Variants in CYP4X1 observed in about 807,000 individuals in gnomAD.
CYP4X1 encodes the protein cytochrome P450 family 4 subfamily X member 1.
CYP4X1 carries 44 observed loss-of-function variants against 57.9 expected under a neutral mutation model. That is an observed-to-expected ratio of 0.76 (90% CI 0.60 to 0.98). The LOEUF is 0.98. Among genes scored for constraint, CYP4X1 ranks in the 50% least tolerant of loss-of-function variants. The probability of loss-of-function intolerance (pLI) is 0.00; values close to 1 mark genes in which losing one functional copy is unlikely to be tolerated. For missense variants in CYP4X1, 532 were observed against 623.9 expected (o/e 0.85, Z 1.57); for synonymous variants, 227 against 228.6 (o/e 0.99, Z 0.06).
upstream of CYP4X1, among the ~76,000 whole-genome samples, chr1:47,019,974 G>A (rs2148500669): frequency 6.6e-6 from 1 of 152,282 alleles, no homozygotes; most frequent in Admixed American, 6.5e-5. Flanking sequence ...ACTTAACTAT[G>A]TCATTTTCCA....
At chr1:47,031,174 C>A (rs928532425) in intron 2 of CYP4X1, among the ~76,000 whole-genome samples, 2 of 152,226 alleles carry the variant, frequency 1.3e-5, no homozygotes, top group African/African-American at 4.8e-5. Flanking sequence ...AAACTCTGTT[C>A]TTGTTGGAGG....
At position 47,050,321 on chromosome 1, in the gene CYP4X1, T is replaced by C; in HGVS notation, c.*147T>C. The C allele has an allele frequency of 2.6e-6, 2 of 768,794 alleles. 1 individual carries two copies. 47.6% of individuals were successfully genotyped at this position (768,794 alleles called of 1,614,324 possible). On this transcript the variant is annotated 3_prime_UTR_variant, in exon 12 of 12. Coordinates refer to ENST00000371901, the MANE Select transcript of CYP4X1 (RefSeq NM_178033.2). ...TCTCTGTGAAGAGATCCAAAATCAT[T>C]TCTAGGTACACAGTGTGTCAGCTAG...
the CYP4X1 span, among the ~76,000 whole-genome samples, chr1:47,012,859 A>G: frequency 7.9e-5 from 12 of 152,244 alleles, no homozygotes; most frequent in Non-Finnish European, 1.5e-4. Flanking sequence ...TTAAAAAATT[A>G]CAAGTCTAAG....
chr1:46,967,867 G>T, the CYP4X1 span: 2 of 1,051,734 alleles, frequency 1.9e-6, no homozygotes, highest in Middle Eastern at 2.6e-4. Context: ...CCCAATGCAG[G>T]TCCTGAGCCA....
the CYP4X1 span, among the ~76,000 whole-genome samples, chr1:47,005,620 TAAGTAA>T: frequency 1.2e-4 from 18 of 152,338 alleles, no homozygotes; most frequent in Non-Finnish European, 2.2e-4. Flanking sequence ...AATTGGCTTA[TAAGTAA>T]AAGAGTGGTC....
the CYP4X1 span, among the ~76,000 whole-genome samples, chr1:47,007,761 A>T: frequency 2.0e-5 from 3 of 152,254 alleles, no homozygotes; most frequent in African/African-American, 7.2e-5. Flanking sequence ...AAACCATGGC[A>T]CGAGAACTAC....
the CYP4X1 span, among the ~76,000 whole-genome samples, chr1:47,004,344 A>G: frequency 1.3e-5 from 2 of 152,186 alleles, no homozygotes; most frequent in Non-Finnish European, 2.9e-5. Flanking sequence ...TCCACCAGTA[A>G]CATATTCTAG....
At position 47,037,183 on chromosome 1, in the gene CYP4X1, ATAT is replaced by A. The variant is rs1219628166; in HGVS notation, c.775+1016_775+1018del. Reference sequence around the variant, plus strand: ...GTAAAAAAAAATCTTTACTTTTTAAATATTATACAATTATGATGAAAAAGCAAA... The same window carrying A: ...GTAAAAAAAAATCTTTACTTTTTAAATATACAATTATGATGAAAAAGCAAA... On this transcript the variant is annotated intron_variant, in intron 6 of 11. Coordinates refer to ENST00000371901, the MANE Select transcript of CYP4X1 (RefSeq NM_178033.2). 2.6e-5 allele frequency among the ~76,000 whole-genome samples: 4 copies of A among 152,312 alleles called. No homozygotes were observed. The East Asian group carries it at 7.7e-4, about 29-fold the overall frequency.
At chr1:46,982,459 C>T in the CYP4X1 span, among the ~76,000 whole-genome samples, 1 of 152,154 alleles carries the variant, frequency 6.6e-6, no homozygotes, top group African/African-American at 2.4e-5. Context: ...CTAGAATTGC[C>T]AGAGTTCTTG....
Position 47,033,334 on chromosome 1 carries a change from T to A in CYP4X1, c.458T>A (p.Ile153Asn), listed in dbSNP as rs769852687. The A allele has an allele frequency of 6.2e-7, 1 of 1,613,628 alleles. No individual in the cohort carries two copies. The highest frequency in any genetic ancestry group is 1.3e-5 in the African/African-American group (1 of 74,856). The change falls in exon 4 of 12, where the codon ATT becomes AAT. Residue 153 changes from isoleucine to asparagine, a missense_variant. Physicochemically the swap from Ile to Asn is moderately radical, Grantham distance 149. Coordinates refer to ENST00000371901, the MANE Select transcript of CYP4X1 (RefSeq NM_178033.2). ...CATTTTAACATCCTGAAAGCATACA[T>A]TGAGGTGATGGCTCATTCTGTGAAA... ...GFHFNILKAY[I>N]EVMAHSVKMM...
At chr1:47,010,575 A>G in the CYP4X1 span, among the ~76,000 whole-genome samples, 483 of 152,306 alleles carry the variant, frequency 3.2e-3, 1 homozygote, top group African/African-American at 0.011. Flanking sequence ...ATCAGGCAGG[A>G]GAAGGAAATA....
chr1:47,028,400 A>C (rs1240895387), intron 1 of CYP4X1, among the ~76,000 whole-genome samples: 1 of 152,200 alleles, frequency 6.6e-6, no homozygotes, highest in Non-Finnish European at 1.5e-5. Context: ...AGGGTTCTTG[A>C]TGTAAATATT....
chr1:47,051,195 C>T (rs1212314787), downstream of CYP4X1, among the ~76,000 whole-genome samples: 1 of 152,108 alleles, frequency 6.6e-6, no homozygotes, highest in Non-Finnish European at 1.5e-5. Flanking sequence ...CATCTCACAC[C>T]AGTTAGAATG....
In CYP4X1 at chr1:47,036,218, G is replaced by A. The variant is rs867745657; in HGVS notation, c.775+47G>A. 10 of 1,564,692 alleles carry A rather than the reference G, an allele frequency of 6.4e-6. No individual in the cohort carries two copies. In the Middle Eastern group the frequency reaches 6.8e-4, roughly 107 times the overall value. The stretch of plus-strand genomic sequence containing the variant: ...CCCACGTCCATACGCTGCCATGATT[G>A]TACTGTGTCTGTCTAGAGGGATAAA... On this transcript the variant is annotated intron_variant, in intron 6 of 11. Transcript: ENST00000371901.
the CYP4X1 span, among the ~76,000 whole-genome samples, chr1:46,995,211 G>A: frequency 6.6e-6 from 1 of 151,972 alleles, no homozygotes; most frequent in Non-Finnish European, 1.5e-5. Context: ...TAAGGTGGGA[G>A]CATAATCTTT....
chr1:47,018,481 T>C, the CYP4X1 span, among the ~76,000 whole-genome samples: 1 of 152,144 alleles, frequency 6.6e-6, no homozygotes, highest in Non-Finnish European at 1.5e-5. Flanking sequence ...GTATATTTAG[T>C]CATCATGAGA....
the CYP4X1 span, among the ~76,000 whole-genome samples, chr1:47,008,683 C>T: frequency 6.6e-6 from 1 of 152,278 alleles, no homozygotes; most frequent in East Asian, 1.9e-4. Context: ...AAACCCATCT[C>T]ATGTGCAGAG....
At chr1:46,963,591 G>A in the CYP4X1 span, among the ~76,000 whole-genome samples, 1 of 152,210 alleles carries the variant, frequency 6.6e-6, no homozygotes, top group Non-Finnish European at 1.5e-5. Flanking sequence ...CTTCTGGCTT[G>A]TAGAGTTTGT....
chr1:47,046,677 C>A, intron 9 of CYP4X1, 77 bp downstream of exon 9: 1 of 1,595,618 alleles, frequency 6.3e-7, no homozygotes, highest in Non-Finnish European at 8.6e-7. Flanking sequence ...ATTAGTGAGT[C>A]TCTTAGCACT....
Sources: allele counts gnomAD v4.1 joint callset (sites outside exome capture counted in the v4.1 genomes callset), GRCh38; gene constraint gnomAD v4.1.1; transcripts MANE v1.5; gene names NCBI Gene and HGNC (gene_info 2026-07-23, HGNC 2026-07-21).